The following NF1 variants were observed in gnomAD, a reference collection of about 807,000 sequenced individuals.
The protein encoded by NF1 is neurofibromin 1.
NF1 carries 122 observed loss-of-function variants against 325.7 expected under a neutral mutation model. That is an observed-to-expected ratio of 0.37 (90% confidence interval 0.32 to 0.44). The LOEUF (loss-of-function observed/expected upper bound fraction) is 0.44, where lower values mean the gene tolerates loss of function less well. Ranked by LOEUF, NF1 falls within the 20% of genes least tolerant of loss-of-function variation. The probability of loss-of-function intolerance (pLI) is 1.00; values close to 1 mark genes in which losing one functional copy is unlikely to be tolerated. For synonymous variants in NF1, 1,091 were observed against 1,186.0 expected (o/e 0.92, Z 1.65); for missense variants, 2,140 against 3,415.4 (o/e 0.63, Z 9.31).
At chr17:31,290,434 A>T (rs565219504) in intron 36 of NF1, among the ~76,000 whole-genome samples, 1 of 152,254 alleles carries the variant, frequency 6.6e-6, no homozygotes, top group Non-Finnish European at 1.5e-5. Flanking sequence ...TCCACAGCTA[A>T]CAATGTTTGA....
chr17:31,326,773 T>C (rs2069354503), intron 37 of NF1, among the ~76,000 whole-genome samples: 1 of 152,208 alleles, frequency 6.6e-6, no homozygotes, highest in South Asian at 2.1e-4. Flanking sequence ...AAGAGTGTTT[T>C]GGAGAGGGCA....
intron 36 of NF1, among the ~76,000 whole-genome samples, chr17:31,279,809 G>A (rs747857164): frequency 1.3e-5 from 2 of 152,048 alleles, no homozygotes; most frequent in Non-Finnish European, 2.9e-5. Context: ...AGGTTCTCAG[G>A]GTGAATGCCC....
intron 1 of NF1, chr17:31,133,129 A>C (rs2143477297): frequency 6.6e-6 from 1 of 152,328 alleles, no homozygotes; most frequent in East Asian, 1.9e-4. Flanking sequence ...TTACTCATTA[A>C]ACTAGAACTT....
chr17:31,202,369 G>A (rs758675311), intron 11 of NF1, among the ~76,000 whole-genome samples: 1 of 152,100 alleles, frequency 6.6e-6, no homozygotes, highest in Non-Finnish European at 1.5e-5. Context: ...CTGTGCCTCT[G>A]GTGAGTTGAA....
At chr17:31,251,206 C>T (rs2067488079) in intron 30 of NF1, 1 of 203,930 alleles carries the variant, frequency 4.9e-6, no homozygotes, top group East Asian at 7.5e-5. Flanking sequence ...TGCCCCTTTG[C>T]CTTTGGCAGT....
chr17:31,240,701 GTA>G (rs1213534877), intron 29 of NF1, among the ~76,000 whole-genome samples: 1 of 152,128 alleles, frequency 6.6e-6, no homozygotes, highest in African/African-American at 2.4e-5. Context: ...TGCCAATAGT[GTA>G]TGAGGGTTCC....
At chr17:31,125,376 T>C (rs1267216619) in intron 1 of NF1, among the ~76,000 whole-genome samples, 3 of 152,020 alleles carry the variant, frequency 2.0e-5, no homozygotes, top group African/African-American at 7.2e-5. Flanking sequence ...AGTTTTTTGC[T>C]ATTACTAAGA....
chr17:31,257,540 A>G (rs2067603598), intron 31 of NF1: 1 of 152,068 alleles, frequency 6.6e-6, no homozygotes, highest in South Asian at 2.1e-4. Flanking sequence ...ATAAAGGGAA[A>G]ATCATCCATT....
intron 16 of NF1, 124 bp downstream of exon 16, chr17:31,223,691 A>C (rs1468318775): frequency 6.7e-6 from 6 of 902,004 alleles, no homozygotes; most frequent in Non-Finnish European, 1.0e-5. Context: ...CAATGTTCTC[A>C]AAAGGAAATA....
chr17:31,225,330 A>G, intron 17 of NF1, 80 bp downstream of exon 17: 1 of 1,483,996 alleles, frequency 6.7e-7, no homozygotes, highest in African/African-American at 1.4e-5. Context: ...AATTTCATCT[A>G]GGTAATATAG....
intron 7 of NF1, among the ~76,000 whole-genome samples, 159 bp downstream of exon 7, chr17:31,181,944 C>T (rs117096479): frequency 1.4e-3 from 208 of 152,082 alleles, no homozygotes; most frequent in Non-Finnish European, 2.0e-3. Context: ...TTTTCTCTTA[C>T]ATTTCTAAAT....
At chr17:31,158,980 CTT>C in intron 2 of NF1, 28 bp from the exon 3 acceptor site, 4 of 1,394,610 alleles carry the variant, frequency 2.9e-6, no homozygotes, top group East Asian at 2.3e-5. Flanking sequence ...GTGAAACTAA[CTT>C]TTATGTTCTG....
At chr17:31,212,916 A>G (rs2066754189) in intron 12 of NF1, among the ~76,000 whole-genome samples, 1 of 152,146 alleles carries the variant, frequency 6.6e-6, no homozygotes, top group African/African-American at 2.4e-5. Flanking sequence ...GGAATTTTTC[A>G]GCTATGTTAC....
chr17:31,354,222 T>G (rs1216313249), intron 51 of NF1, among the ~76,000 whole-genome samples: 5 of 152,132 alleles, frequency 3.3e-5, no homozygotes, highest in African/African-American at 1.2e-4. Flanking sequence ...TATGTCTTGA[T>G]GGAGAAAGCT....
intron 23 of NF1, 27 bp downstream of exon 23, chr17:31,230,409 G>A (rs2151431846): frequency 6.2e-7 from 1 of 1,612,546 alleles, no homozygotes; most frequent in Non-Finnish European, 8.5e-7. Flanking sequence ...GCAATGTAGG[G>A]TCTTGTAAAT....
chr17:31,178,789 G>A (rs1008309437), intron 5 of NF1, among the ~76,000 whole-genome samples: 2 of 152,180 alleles, frequency 1.3e-5, no homozygotes, highest in African/African-American at 4.8e-5. Context: ...TAATGGTAAA[G>A]AGATCAGTGC....
At chr17:31,143,255 T>TCA (rs1006113297) in intron 1 of NF1, among the ~76,000 whole-genome samples, 9 of 150,566 alleles carry the variant, frequency 6.0e-5, no homozygotes, top group Non-Finnish European at 1.0e-4. Context: ...ACACACACAC[T>TCA]CACACACACA....
intron 57 of NF1, among the ~76,000 whole-genome samples, chr17:31,363,432 C>CT (rs1567629662): frequency 7.2e-6 from 1 of 139,486 alleles, no homozygotes; most frequent in Non-Finnish European, 1.5e-5. Context: ...ATCCTTATCT[C>CT]TCTCTTTTTT....
At chr17:31,211,993 ATAACT>A (rs1200596638) in intron 12 of NF1, among the ~76,000 whole-genome samples, 3 of 152,156 alleles carry the variant, frequency 2.0e-5, no homozygotes, top group African/African-American at 4.8e-5. Context: ...TTTTTATATG[ATAACT>A]TTACAGTAGC....
Sources: allele counts gnomAD v4.1 joint callset (sites outside exome capture counted in the v4.1 genomes callset), GRCh38; gene constraint gnomAD v4.1.1; transcripts MANE v1.5; gene names NCBI Gene and HGNC (gene_info 2026-07-23, HGNC 2026-07-21).